Variants in SCARA5 observed in about 807,000 individuals in gnomAD.
SCARA5 encodes scavenger receptor class A, member 5 (putative).
A neutral mutation model predicts 46.3 loss-of-function variants in SCARA5; 45 were observed. The ratio of observed to expected loss-of-function variants is 0.97; its 90% confidence interval spans 0.76 to 1.24. The LOEUF (loss-of-function observed/expected upper bound fraction) is 1.24. Among genes scored for constraint, SCARA5 ranks in the 50% most tolerant of loss-of-function variants. SCARA5 has a pLI of 0.00. For synonymous variants in SCARA5, 333 were observed against 306.5 expected (o/e 1.09, Z -0.90); for missense variants, 680 against 689.0 (o/e 0.99, Z 0.15).
chr8:27,945,181 GA>G (rs946921570), intron 3 of SCARA5, among the ~76,000 whole-genome samples: 180 of 135,970 alleles, frequency 1.3e-3, no homozygotes, highest in Non-Finnish European at 1.8e-3. Flanking sequence ...ATAATAAATT[GA>G]AAAAAAAAAA....
At chr8:27,969,298 A>C (rs1808413492) in intron 2 of SCARA5, among the ~76,000 whole-genome samples, 2 of 152,242 alleles carry the variant, frequency 1.3e-5, no homozygotes, top group Admixed American at 1.3e-4. Flanking sequence ...ACGTATGCCT[A>C]CTTTTTTGTT....
chr8:27,929,872 G>A (rs548560234), intron 3 of SCARA5, among the ~76,000 whole-genome samples: 50 of 152,294 alleles, frequency 3.3e-4, no homozygotes, highest in South Asian at 2.1e-3. Flanking sequence ...AGAAACTCAA[G>A]AAGGTGGCAG....
At chr8:27,915,327 A>G (rs938346268) in intron 4 of SCARA5, among the ~76,000 whole-genome samples, 5 of 152,026 alleles carry the variant, frequency 3.3e-5, no homozygotes, top group East Asian at 1.9e-4. Flanking sequence ...CCGAGCCCCC[A>G]ATGGAGGGTG....
intron 8 of SCARA5, among the ~76,000 whole-genome samples, chr8:27,876,492 C>T (rs542932087): frequency 6.6e-6 from 1 of 152,172 alleles, no homozygotes; most frequent in South Asian, 2.1e-4. Context: ...GAAGAGGTGG[C>T]CCAGGGTTCT....
At chr8:27,946,969 C>T (rs1808047522) in intron 3 of SCARA5, among the ~76,000 whole-genome samples, 1 of 151,348 alleles carries the variant, frequency 6.6e-6, no homozygotes, top group Non-Finnish European at 1.5e-5. Context: ...TCTTCTGTCT[C>T]TCCTAGCGAA....
At chr8:27,943,574 C>A (rs866202375) in intron 3 of SCARA5, among the ~76,000 whole-genome samples, 2 of 152,170 alleles carry the variant, frequency 1.3e-5, no homozygotes, top group Non-Finnish European at 2.9e-5. Context: ...GTGGTGCTTG[C>A]CAATGTTTGA....
intron 2 of SCARA5, among the ~76,000 whole-genome samples, chr8:27,975,430 G>C (rs748029175): frequency 6.6e-6 from 1 of 152,126 alleles, no homozygotes; most frequent in Non-Finnish European, 1.5e-5. Context: ...GGGAGTCCTG[G>C]GAACCCCGAT....
Position 27,951,742 on chromosome 8 carries a change from C to T in SCARA5, c.241+14672G>A, listed in dbSNP as rs900580215. On this transcript the variant is annotated intron_variant, in intron 3 of 8. Transcript: ENST00000354914. ...CCTCTTCCTCATGCAGGGGAGGTTC[C>T]CTGAGACAAGGCTGGAGAAGAGGAG... Among the ~76,000 whole-genome samples the T allele has an allele frequency of 4.6e-5, 7 of 152,158 alleles. No homozygotes were observed. The East Asian group carries it at 1.2e-3, about 25-fold the overall frequency.
intron 3 of SCARA5, among the ~76,000 whole-genome samples, chr8:27,923,234 T>G (rs190276986): frequency 2.2e-4 from 33 of 152,300 alleles, no homozygotes; most frequent in African/African-American, 7.7e-4. Context: ...TCAGCCAGGC[T>G]CAAGGCCACC....
intron 3 of SCARA5, among the ~76,000 whole-genome samples, chr8:27,959,330 C>G (rs1192456979): frequency 6.6e-6 from 1 of 152,238 alleles, no homozygotes; most frequent in Non-Finnish European, 1.5e-5. Context: ...CTAGGCCACC[C>G]CAGGAGTGGT....
intron 1 of SCARA5, among the ~76,000 whole-genome samples, chr8:27,991,355 G>C (rs2129995698): frequency 6.6e-6 from 1 of 152,336 alleles, no homozygotes; most frequent in African/African-American, 2.4e-5. Flanking sequence ...CTGCCTGGCA[G>C]CCAGGTAAGG....
intron 2 of SCARA5, among the ~76,000 whole-genome samples, chr8:27,980,389 G>A (rs576167077): frequency 1.4e-4 from 21 of 152,212 alleles, no homozygotes; most frequent in Middle Eastern, 3.4e-3. Flanking sequence ...TCCTCACTGC[G>A]GGCCTCCTTC....
At chr8:27,966,316 G>A (rs1244268925) in intron 3 of SCARA5, 98 bp downstream of exon 3, 12 of 1,240,080 alleles carry the variant, frequency 9.7e-6, no homozygotes, top group African/African-American at 3.0e-5. Flanking sequence ...TGGTGACAAG[G>A]GCAGTGTTTG....
chr8:27,915,188 T>C (rs1296772177), intron 4 of SCARA5, among the ~76,000 whole-genome samples: 1 of 152,154 alleles, frequency 6.6e-6, no homozygotes, highest in East Asian at 1.9e-4. Flanking sequence ...GTGAGGTCTC[T>C]TTTTTTCATC....
At chr8:27,886,851 G>T (rs1431470759) in intron 7 of SCARA5, among the ~76,000 whole-genome samples, 1 of 152,174 alleles carries the variant, frequency 6.6e-6, no homozygotes, top group Non-Finnish European at 1.5e-5. Flanking sequence ...ATCAGAAGTG[G>T]TGACTGAGAG....
intron 3 of SCARA5, among the ~76,000 whole-genome samples, chr8:27,948,537 G>C (rs1272987030): frequency 6.6e-6 from 1 of 152,256 alleles, no homozygotes. Context: ...CAGCCTTTCT[G>C]TCCACTGGGC....
At position 27,871,470 on chromosome 8, in the gene SCARA5, T is replaced by C. The variant is rs543435411; in HGVS notation, c.*464A>G. 4.0e-6 allele frequency: 4 copies of C among 990,076 alleles called. No individual in the cohort carries two copies. In the East Asian group the frequency reaches 3.3e-4, roughly 82 times the overall value. The allele number at this position is 990,076 out of a possible 1,614,324, so 61.3% of individuals were successfully genotyped here. ...GAAATTCATCACTTGACGTTGCCTC[T>C]TGCTGGGGAGGAAGATGTAGAAACT... On this transcript the variant is annotated 3_prime_UTR_variant, in exon 9 of 9. Transcript: ENST00000354914.
chr8:27,978,337 T>C (rs1808560239), intron 2 of SCARA5, among the ~76,000 whole-genome samples: 1 of 152,014 alleles, frequency 6.6e-6, no homozygotes, highest in African/African-American at 2.4e-5. Flanking sequence ...GGCCAGATTC[T>C]TGTGTCTTTT....
At chr8:27,951,560 G>A (rs1808128226) in intron 3 of SCARA5, among the ~76,000 whole-genome samples, 1 of 152,236 alleles carries the variant, frequency 6.6e-6, no homozygotes, top group Non-Finnish European at 1.5e-5. Flanking sequence ...CAGTGCCAGG[G>A]TCAGGAGACC....
Sources: gnomAD v4.1 joint callset for allele counts (sites outside exome capture counted in the v4.1 genomes callset) on GRCh38, gnomAD v4.1.1 for gene constraint, MANE v1.5 for transcripts, NCBI Gene and HGNC (gene_info 2026-07-23, HGNC 2026-07-21) for gene names.